COMMD10: variants seen among roughly 807,000 people sequenced by gnomAD.
COMMD10 encodes COMM domain containing 10.
In COMMD10, 33 loss-of-function variants were observed where a neutral mutation model predicts 28.9. The ratio of observed to expected loss-of-function variants is 1.14; its 90% confidence interval spans 0.87 to 1.53. The LOEUF is 1.53. Among genes scored for constraint, COMMD10 ranks in the 40% most tolerant of loss-of-function variants. The probability of loss-of-function intolerance (pLI) is 0.00; values close to 1 mark genes in which losing one functional copy is unlikely to be tolerated. For synonymous variants in COMMD10, 110 were observed against 81.7 expected, an observed-to-expected ratio of 1.35 and a Z score of -1.87; for missense variants, 310 against 233.4, an observed-to-expected ratio of 1.33 and a Z score of -2.14.
At chr5:116,226,416 CTTT>C (rs34529275) in intron 5 of COMMD10, among the ~76,000 whole-genome samples, 7 of 138,086 alleles carry the variant, frequency 5.1e-5, no homozygotes, top group Non-Finnish European at 4.6e-5. Flanking sequence ...TTGTACTTCC[CTTT>C]TTTTTTTTTT....
rs111586920 is a variant in COMMD10, at chr5:116,173,964, A to G, written c.510+39786A>G. On this transcript the variant is annotated intron_variant, in intron 5 of 6. Coordinates refer to ENST00000274458, the MANE Select transcript of COMMD10 (RefSeq NM_016144.4). ...TGCCATGTGCCATATACTTCCAGGT[A>G]TTGAAGATACAGCAGTAACCAAAGC... Among the ~76,000 whole-genome samples the G allele has an allele frequency of 2.0e-3, 300 of 152,008 alleles. 3 individuals are homozygous for G. Among genetic ancestry groups the G allele is most frequent in the African/African-American group, 6.8e-3 (282 of 41,454 alleles).
Position 116,289,295 on chromosome 5 carries a change from A to C in COMMD10, c.511-2222A>C, listed in dbSNP as rs1751301707. On this transcript the variant is annotated intron_variant, in intron 5 of 6. Transcript: ENST00000274458. ...TCCCGAGTTTTATTTTGTTCCTTTG[A>C]TTAGGCCATATTTCCCTATTGCTTT... 2.0e-5 allele frequency among the ~76,000 whole-genome samples: 3 copies of C among 151,706 alleles called. 1 individual carries two copies. The highest frequency in any genetic ancestry group is 7.3e-5 in the African/African-American group (3 of 41,108).
chr5:116,210,322 A>G (rs1748928106), intron 5 of COMMD10, among the ~76,000 whole-genome samples: 1 of 150,584 alleles, frequency 6.6e-6, no homozygotes, highest in South Asian at 2.1e-4. Context: ...GTATGTATTT[A>G]TATATATATA....
In COMMD10 at chr5:116,276,593, A is replaced by G. The variant is rs191484050; in HGVS notation, c.511-14924A>G. On this transcript the variant is annotated intron_variant, in intron 5 of 6. Coordinates refer to ENST00000274458, the MANE Select transcript of COMMD10 (RefSeq NM_016144.4). ...TGTGTTAGTAGCATTATCATATATT[A>G]TGTTTTTGTGTCATACATGATTTTT... Among the ~76,000 whole-genome samples, 776 of 151,898 alleles carry G rather than the reference A, an allele frequency of 5.1e-3. 17 individuals carry two copies. Among genetic ancestry groups the G allele is most frequent in the African/African-American group, 0.016 (666 of 41,260 alleles).
At chr5:116,171,575 A>AACCAT (rs1753334480) in intron 5 of COMMD10, among the ~76,000 whole-genome samples, 1 of 151,918 alleles carries the variant, frequency 6.6e-6, no homozygotes, top group Admixed American at 6.6e-5. Context: ...CTTGGAACCA[A>AACCAT]CCCAAATGCC....
chr5:116,237,154 A>C (rs567000515), intron 5 of COMMD10, among the ~76,000 whole-genome samples: 66 of 152,148 alleles, frequency 4.3e-4, no homozygotes, highest in Non-Finnish European at 8.7e-4. Context: ...ATCCTAAAGC[A>C]GAATGTCTCT....
At chr5:116,175,255 C>T (rs575978484) in intron 5 of COMMD10, among the ~76,000 whole-genome samples, 9 of 150,946 alleles carry the variant, frequency 6.0e-5, no homozygotes, top group South Asian at 2.1e-4. Context: ...TTCTTAAGGG[C>T]AGTGGCTTTA....
At chr5:116,155,986 T>C (rs189024679) in intron 5 of COMMD10, among the ~76,000 whole-genome samples, 1 of 152,252 alleles carries the variant, frequency 6.6e-6, no homozygotes, top group African/African-American at 2.4e-5. Flanking sequence ...TTTAAAAAAG[T>C]CTAGCTGAGG....
intron 5 of COMMD10, among the ~76,000 whole-genome samples, chr5:116,153,472 A>G (rs537486934): frequency 2.0e-4 from 30 of 152,276 alleles, no homozygotes; most frequent in South Asian, 4.1e-4. Context: ...TGATAGCTGC[A>G]GAGCACACAG....
In COMMD10 at chr5:116,218,199, C is replaced by A. The variant is rs1458968950; in HGVS notation, c.511-73318C>A. The A allele has an allele frequency of 5.1e-6, 4 of 781,022 alleles. No individual in the cohort carries two copies. In the Admixed American group the frequency reaches 6.9e-5, roughly 13 times the overall value. 48.4% of individuals were successfully genotyped at this position (781,022 alleles called of 1,614,324 possible). A position where few individuals can be genotyped will look rare whatever the true frequency, so the allele number is the denominator to read the frequency against. ...GGCCTGGGCTCTGGCTTTGGAGAAGCAGGTTTAGCGGACAACCTTGCAGAT... is the reference window on the plus strand; with the variant it reads ...GGCCTGGGCTCTGGCTTTGGAGAAGAAGGTTTAGCGGACAACCTTGCAGAT... On this transcript the variant is annotated intron_variant, in intron 5 of 6. Transcript: ENST00000274458.
At chr5:116,121,589 C>A (rs958751616) in intron 4 of COMMD10, among the ~76,000 whole-genome samples, 1 of 152,182 alleles carries the variant, frequency 6.6e-6, no homozygotes, top group African/African-American at 2.4e-5. Context: ...CTAGTTTACA[C>A]TCCCACCAAC....
intron 5 of COMMD10, among the ~76,000 whole-genome samples, chr5:116,163,815 T>G (rs1289675032): frequency 6.6e-6 from 1 of 152,212 alleles, no homozygotes; most frequent in East Asian, 1.9e-4. Context: ...ATTATATGTC[T>G]TTTTTAATTT....
rs536016701 is a variant in COMMD10 at position 116,207,731 on chromosome 5, G to T, written c.510+73553G>T. On this transcript the variant is annotated intron_variant, in intron 5 of 6. Coordinates refer to ENST00000274458, the MANE Select transcript of COMMD10 (RefSeq NM_016144.4). ...AGTAGAGATGAGGTTTCACCACGTT[G>T]GCCAGGCTAGTCTCTAACTCCCAGT... Among the ~76,000 whole-genome samples the T allele has an allele frequency of 9.9e-4, 150 of 152,162 alleles. 1 individual carries two copies. Among genetic ancestry groups the T allele is most frequent in the African/African-American group, 3.5e-3 (146 of 41,518 alleles).
intron 5 of COMMD10, among the ~76,000 whole-genome samples, chr5:116,241,753 C>T (rs1198393657): frequency 6.6e-6 from 1 of 152,050 alleles, no homozygotes; most frequent in Non-Finnish European, 1.5e-5. Context: ...GCTGGGACTA[C>T]AGGCGCCCGC....
rs1449032048 is a variant in COMMD10, at chr5:116,141,551, T to A, written c.510+7373T>A. ...TCTTCCAATTCATGAACGTGGGATA[T>A]CTTGCTATTTAATTATGTCATCTTC... is the stretch of plus-strand genomic sequence containing the variant. On this transcript the variant is annotated intron_variant, in intron 5 of 6. Coordinates refer to ENST00000274458, the MANE Select transcript of COMMD10 (RefSeq NM_016144.4). 2.6e-5 allele frequency among the ~76,000 whole-genome samples: 4 copies of A among 151,846 alleles called. No homozygotes were observed. In the South Asian group the frequency reaches 8.3e-4, roughly 31 times the overall value.
At chr5:116,182,129 A>G (rs1747986233) in intron 5 of COMMD10, among the ~76,000 whole-genome samples, 1 of 152,124 alleles carries the variant, frequency 6.6e-6, no homozygotes. Context: ...ATTGAGACCC[A>G]CAGAAGAGAA....
At chr5:116,163,973 C>T (rs530399180) in intron 5 of COMMD10, among the ~76,000 whole-genome samples, 2 of 152,202 alleles carry the variant, frequency 1.3e-5, no homozygotes, top group South Asian at 2.1e-4. Flanking sequence ...ACAGGTTTAT[C>T]TACAAAGGGG....
intron 5 of COMMD10, among the ~76,000 whole-genome samples, chr5:116,144,684 T>A (rs777283543): frequency 2.4e-4 from 36 of 151,918 alleles, no homozygotes; most frequent in African/African-American, 6.8e-4. Context: ...TGTTGGATTT[T>A]GTAAAATGGA....
chr5:116,187,667 A>G lies in COMMD10; in HGVS notation c.510+53489A>G, dbSNP rs114624848. ...TATATTTGTAGTATATTCTAATTTA[A>G]ATATCCAACGGAAATTTGGAAATGA... On this transcript the variant is annotated intron_variant, in intron 5 of 6. Coordinates refer to ENST00000274458, the MANE Select transcript of COMMD10 (RefSeq NM_016144.4). Among the ~76,000 whole-genome samples the G allele has an allele frequency of 4.3e-3, 658 of 152,244 alleles. 4 individuals are homozygous for G. The highest frequency in any genetic ancestry group is 0.015 in the African/African-American group (615 of 41,566).
Sources: gnomAD v4.1 joint callset for allele counts (sites outside exome capture counted in the v4.1 genomes callset) on GRCh38, gnomAD v4.1.1 for gene constraint, MANE v1.5 for transcripts, NCBI Gene and HGNC (gene_info 2026-07-23, HGNC 2026-07-21) for gene names.